Variants in MID2 observed in about 807,000 individuals in gnomAD.
MID2 encodes the protein midline 2.
Under a neutral mutation model 46.1 loss-of-function variants are expected in MID2, and 13 were observed. The observed-to-expected ratio is 0.28, with a 90% CI of 0.18 to 0.45. The LOEUF (loss-of-function observed/expected upper bound fraction) is 0.45, where lower values mean the gene tolerates loss of function less well. Among genes scored for constraint, MID2 ranks in the 20% least tolerant of loss-of-function variants. The probability of loss-of-function intolerance (pLI) is 1.00; values close to 1 mark genes in which losing one functional copy is unlikely to be tolerated. For missense variants in MID2, 431 were observed against 575.4 expected (o/e 0.75, Z 2.57); for synonymous variants, 199 against 212.3 (o/e 0.94, Z 0.55).
intron 2 of MID2, among the ~76,000 whole-genome samples, chrX:107,843,960 C>A (rs927540357): frequency 5.5e-5 from 6 of 109,427 alleles, no homozygotes; most frequent in African/African-American, 1.7e-4. Flanking sequence ...ATATACTATA[C>A]CCTATCATTC....
At chrX:107,865,762 C>A (rs1308842621) in intron 3 of MID2, among the ~76,000 whole-genome samples, 1 of 112,603 alleles carries the variant, frequency 8.9e-6, no homozygotes, top group African/African-American at 3.2e-5. Context: ...ACAAAACAAT[C>A]ACTGGCTTTG....
In MID2 at chrX:107,909,087, G is replaced by A. The variant is rs73636330; in HGVS notation, c.1073+3461G>A. On this transcript the variant is annotated intron_variant, in intron 5 of 9. Transcript: ENST00000262843. ...ATCAGACTTGTTAATTTTCTCTTTC[G>A]GGATGCTGTATATTTTTGTATTCCT... 7.1e-3 allele frequency among the ~76,000 whole-genome samples: 782 copies of A among 110,765 alleles called. 11 individuals carry two copies. Among genetic ancestry groups the A allele is most frequent in the African/African-American group, 0.025 (750 of 30,410 alleles).
chrX:107,837,867 A>G (rs1422321761), intron 1 of MID2, among the ~76,000 whole-genome samples: 1 of 112,405 alleles, frequency 8.9e-6, no homozygotes, highest in African/African-American at 3.2e-5. Context: ...TACTCAGAAT[A>G]CAGGAGATGC....
intron 5 of MID2, among the ~76,000 whole-genome samples, chrX:107,908,358 A>G (rs1454504800): frequency 2.7e-5 from 3 of 111,398 alleles, no homozygotes; most frequent in African/African-American, 6.5e-5. Context: ...TAGCTTACCA[A>G]TGCTCTATTT....
At chrX:107,842,190 A>G (rs1035766605) in intron 2 of MID2, among the ~76,000 whole-genome samples, 3 of 112,019 alleles carry the variant, frequency 2.7e-5, no homozygotes, top group African/African-American at 9.7e-5. Flanking sequence ...CTGCCTTACA[A>G]GTTCCTAGTC....
intron 1 of MID2, among the ~76,000 whole-genome samples, chrX:107,833,427 A>T (rs188057415): frequency 0.078 from 8,151 of 105,111 alleles, 378 homozygotes; most frequent in African/African-American, 0.17. Context: ...ATATATATAT[A>T]TATTTTTTTT....
intron 1 of MID2, among the ~76,000 whole-genome samples, chrX:107,839,989 A>G (rs780349380): frequency 8.9e-6 from 1 of 112,383 alleles, no homozygotes; most frequent in Admixed American, 9.4e-5. Flanking sequence ...TGAGGGAAGA[A>G]GATGAAAGTG....
At position 107,929,447 on chromosome X, in the gene MID2, G is replaced by A. The variant is rs1261855292; in HGVS notation, c.*2374G>A. ...CACTTTCCCCCTCACATTGATTAAGGTAGCCAAGTTTAACTATTTACACAA... is the reference window on the plus strand; with the variant it reads ...CACTTTCCCCCTCACATTGATTAAGATAGCCAAGTTTAACTATTTACACAA... On this transcript the variant is annotated 3_prime_UTR_variant, in exon 10 of 10. Coordinates refer to ENST00000262843, the MANE Select transcript of MID2 (RefSeq NM_012216.4). Among the ~76,000 whole-genome samples the A allele has an allele frequency of 9.0e-6, 1 of 111,328 alleles. No homozygotes were observed. The highest frequency in any genetic ancestry group is 2.8e-4 in the East Asian group (1 of 3,562).
chrX:107,864,629 G>C (rs1602472033), intron 3 of MID2, among the ~76,000 whole-genome samples: 1 of 111,619 alleles, frequency 9.0e-6, no homozygotes, highest in East Asian at 2.8e-4. Context: ...GTTACTAAGA[G>C]TTTGACAGTA....
chrX:107,828,320 T>C (rs928731153), intron 1 of MID2, among the ~76,000 whole-genome samples: 1 of 102,456 alleles, frequency 9.8e-6, no homozygotes, highest in Non-Finnish European at 2.0e-5. Flanking sequence ...CTTTTTTTTT[T>C]TTTTTTTTTG....
intron 5 of MID2, among the ~76,000 whole-genome samples, chrX:107,914,442 GAAACATCTC>G: frequency 8.9e-6 from 1 of 112,334 alleles, no homozygotes; most frequent in East Asian, 2.8e-4. Context: ...GTTTATCACT[GAAACATCTC>G]TATTTTCAGA....
chrX:107,895,140 G>A (rs893384582), intron 3 of MID2: 3 of 109,004 alleles, frequency 2.8e-5, no homozygotes, highest in African/African-American at 1.0e-4. Flanking sequence ...AACTGTCATT[G>A]GTACAATAAT....
chrX:107,872,251 GA>G (rs1316589981), intron 3 of MID2, among the ~76,000 whole-genome samples: 2 of 112,194 alleles, frequency 1.8e-5, no homozygotes, highest in Non-Finnish European at 3.8e-5. Flanking sequence ...TAGGTGCAAA[GA>G]AACAAGTTTT....
chrX:107,887,789 C>G (rs1932494878), intron 3 of MID2, among the ~76,000 whole-genome samples: 2 of 111,964 alleles, frequency 1.8e-5, no homozygotes, highest in Non-Finnish European at 3.8e-5. Context: ...TTAATTATTG[C>G]CTCAATTTCA....
chrX:107,842,162 A>G (rs1931362346), intron 2 of MID2, among the ~76,000 whole-genome samples: 1 of 112,340 alleles, frequency 8.9e-6, no homozygotes, highest in African/African-American at 3.2e-5. Flanking sequence ...TACAAACTGA[A>G]GCATTTGTTT....
chrX:107,907,816 A>G (rs1283257793), intron 5 of MID2, among the ~76,000 whole-genome samples: 1 of 112,328 alleles, frequency 8.9e-6, no homozygotes, highest in Non-Finnish European at 1.9e-5. Context: ...AAATATTACT[A>G]TAAGTCATAT....
In MID2 at chrX:107,926,781, A is replaced by G. The variant is rs1218092771; in HGVS notation, c.1916A>G (p.Asn639Ser). 8.3e-7 allele frequency: 1 copy of G among 1,211,572 alleles called. No homozygotes were observed. The highest frequency in any genetic ancestry group is 1.1e-6 in the Non-Finnish European group (1 of 895,339). ...AATAGTAACTTCGTGGTGAGACACA[A>G]CAACAAGGAAATGCTGGTGGATGTG... Reference protein sequence around the residue: ...RCNSNFVVRHNNKEMLVDVPP... With the variant: ...RCNSNFVVRHSNKEMLVDVPP... Residue 639 changes from asparagine (N) to serine (S), a missense_variant, in exon 10 of 10, where the codon AAC becomes AGC. Asn to Ser is a conservative substitution (Grantham distance 46, BLOSUM62 1). Transcript: ENST00000262843.
rs73533464 is a variant in MID2 at position 107,916,196 on chromosome X, T to C, written c.1201+67T>C. ...CTTCTGGTATGCTTTTACTTAAAAA[T>C]AATTTGAAAAAGACAATATTTATAA... On this transcript the variant is annotated intron_variant, in intron 6 of 9. Transcript: ENST00000262843. 4.1e-3 allele frequency: 3,605 copies of C among 884,159 alleles called. 93 individuals are homozygous for C. The African/African-American group carries it at 0.066, about 16-fold the overall frequency. 72.9% of individuals were successfully genotyped at this position (884,159 alleles called of 1,213,427 possible). A position where few individuals can be genotyped will look rare whatever the true frequency, so the allele number is the denominator to read the frequency against.
intron 2 of MID2, among the ~76,000 whole-genome samples, chrX:107,853,436 A>T (rs753463564): frequency 1.8e-5 from 2 of 111,099 alleles, no homozygotes; most frequent in Non-Finnish European, 3.8e-5. Flanking sequence ...AGTCACTGGA[A>T]CTATAGGTGC....
Sources: gnomAD v4.1 joint callset for allele counts (sites outside exome capture counted in the v4.1 genomes callset) on GRCh38, gnomAD v4.1.1 for gene constraint, MANE v1.5 for transcripts, NCBI Gene and HGNC (gene_info 2026-07-23, HGNC 2026-07-21) for gene names.